The following SYN3 variants were observed in gnomAD, a reference collection of about 807,000 sequenced individuals.
SYN3 encodes synapsin III.
In SYN3, 35 loss-of-function variants were observed where a neutral mutation model predicts 65.8. That is an observed-to-expected ratio of 0.53 (90% confidence interval 0.41 to 0.70). SYN3 has a LOEUF of 0.70. Among genes scored for constraint, SYN3 ranks in the 30% least tolerant of loss-of-function variants. The probability of loss-of-function intolerance (pLI) is 0.00; values close to 1 mark genes in which losing one functional copy is unlikely to be tolerated. For synonymous variants in SYN3, 270 were observed against 292.9 expected (o/e 0.92, Z 0.80); for missense variants, 680 against 749.0 (o/e 0.91, Z 1.08).
intron 6 of SYN3, among the ~76,000 whole-genome samples, chr22:32,855,681 T>C (rs1032505777): frequency 3.9e-5 from 6 of 152,212 alleles, no homozygotes; most frequent in Admixed American, 6.5e-5. Context: ...GATAATTCTT[T>C]GTTCTGGGGG....
At chr22:32,753,490 C>A (rs1331229699) in intron 6 of SYN3, among the ~76,000 whole-genome samples, 1 of 152,186 alleles carries the variant, frequency 6.6e-6, no homozygotes, top group African/African-American at 2.4e-5. Flanking sequence ...CCAACAGACT[C>A]CCCAGCAGGG....
intron 6 of SYN3, among the ~76,000 whole-genome samples, chr22:32,710,099 ATGTG>A (rs1555931599): frequency 7.6e-5 from 5 of 65,634 alleles, no homozygotes; most frequent in Admixed American, 5.6e-4. Context: ...ACACACACAC[ATGTG>A]TGTGTGTATG....
intron 3 of SYN3, among the ~76,000 whole-genome samples, chr22:32,932,943 T>C (rs2050673902): frequency 6.6e-6 from 1 of 152,172 alleles, no homozygotes; most frequent in African/African-American, 2.4e-5. Flanking sequence ...GCTCCCTGTG[T>C]CTTCTTACAT....
At chr22:32,943,075 A>C (rs1488922214) in intron 3 of SYN3, among the ~76,000 whole-genome samples, 2 of 152,226 alleles carry the variant, frequency 1.3e-5, no homozygotes, top group Non-Finnish European at 2.9e-5. Context: ...GCCAACATTC[A>C]AATTCAGGAA....
At chr22:32,910,116 C>G (rs772184589) in intron 4 of SYN3, among the ~76,000 whole-genome samples, 9 of 152,004 alleles carry the variant, frequency 5.9e-5, no homozygotes, top group Non-Finnish European at 8.8e-5. Context: ...CCAACTCACT[C>G]TGTGTGTCAC....
intron 3 of SYN3, among the ~76,000 whole-genome samples, chr22:32,938,006 C>T (rs1363266538): frequency 1.3e-5 from 2 of 151,900 alleles, no homozygotes; most frequent in Non-Finnish European, 2.9e-5. Flanking sequence ...AAAACTGGAC[C>T]TAACAAGTTC....
chr22:32,782,826 T>C (rs1325814409), intron 6 of SYN3, among the ~76,000 whole-genome samples: 2 of 152,188 alleles, frequency 1.3e-5, no homozygotes, highest in East Asian at 3.9e-4. Context: ...CCAGGCCTTG[T>C]AATTGTAGCA....
chr22:32,812,085 G>A (rs1255072704), intron 6 of SYN3, among the ~76,000 whole-genome samples: 3 of 152,158 alleles, frequency 2.0e-5, no homozygotes, highest in Non-Finnish European at 4.4e-5. Flanking sequence ...TGGTGATACT[G>A]ACCTCCCTGG....
chr22:32,890,072 C>CT (rs5845051), intron 4 of SYN3, among the ~76,000 whole-genome samples: 5,088 of 58,158 alleles, frequency 0.087, 526 homozygotes, highest in African/African-American at 0.11. Context: ...GATTTAGCTG[C>CT]TTTTTTTTTT....
intron 11 of SYN3, 114 bp from the exon 12 acceptor site, chr22:32,528,119 A>G (rs1222571524): frequency 9.7e-6 from 8 of 824,112 alleles, no homozygotes; most frequent in East Asian, 2.7e-5. Flanking sequence ...TCTTACACAT[A>G]AAGTGTACAG....
intron 6 of SYN3, among the ~76,000 whole-genome samples, chr22:32,731,626 G>A (rs3788490): frequency 0.46 from 69,381 of 151,968 alleles, 16,233 homozygotes; most frequent in African/African-American, 0.57. Context: ...AGTGTCATGG[G>A]GTGTTGCTCC....
chr22:32,995,731 C>T (rs1601867582), intron 2 of SYN3, among the ~76,000 whole-genome samples: 1 of 151,972 alleles, frequency 6.6e-6, no homozygotes, highest in Admixed American at 6.5e-5. Context: ...GGCACTATCT[C>T]GGCTCACTGC....
intron 6 of SYN3, among the ~76,000 whole-genome samples, chr22:32,751,916 T>C (rs566309158): frequency 1.4e-4 from 21 of 152,322 alleles, no homozygotes; most frequent in African/African-American, 5.1e-4. Flanking sequence ...AAGTGCTTTA[T>C]GCATGTTCTG....
intron 2 of SYN3, among the ~76,000 whole-genome samples, chr22:32,987,848 A>G (rs149116624): frequency 1.3e-5 from 2 of 152,374 alleles, no homozygotes; most frequent in East Asian, 3.9e-4. Flanking sequence ...TGGCAGATGT[A>G]GTCCTTGTTC....
intron 10 of SYN3, among the ~76,000 whole-genome samples, chr22:32,530,830 C>T (rs2058056795): frequency 6.6e-6 from 1 of 151,876 alleles, no homozygotes; most frequent in Non-Finnish European, 1.5e-5. Flanking sequence ...CGGTGAAACC[C>T]CGTCTCTACT....
At chr22:32,516,608 C>T (rs1034828950) in intron 13 of SYN3, among the ~76,000 whole-genome samples, 2 of 152,182 alleles carry the variant, frequency 1.3e-5, no homozygotes, top group Non-Finnish European at 2.9e-5. Flanking sequence ...AGGTGGGATC[C>T]ACCCACCTTG....
intron 12 of SYN3, chr22:32,519,755 C>T (rs550502009): frequency 2.3e-4 from 35 of 152,330 alleles, no homozygotes; most frequent in South Asian, 4.1e-4. Context: ...TTGCCAAAGC[C>T]GACTGGCTGC....
intron 6 of SYN3, among the ~76,000 whole-genome samples, chr22:32,653,706 C>T (rs367553009): frequency 9.9e-5 from 15 of 152,228 alleles, no homozygotes; most frequent in South Asian, 6.2e-4. Flanking sequence ...GTTGAGTTAA[C>T]GGGATCAGGA....
intron 7 of SYN3, among the ~76,000 whole-genome samples, chr22:32,584,602 G>C (rs2058996591): frequency 6.6e-6 from 1 of 152,158 alleles, no homozygotes; most frequent in Non-Finnish European, 1.5e-5. Flanking sequence ...TTTCATGGAG[G>C]GGTCCTCTGC....
Sources: allele counts gnomAD v4.1 joint callset (sites outside exome capture counted in the v4.1 genomes callset), GRCh38; gene constraint gnomAD v4.1.1; transcripts MANE v1.5; gene names NCBI Gene and HGNC (gene_info 2026-07-23, HGNC 2026-07-21).